The following EPN2 variants were observed in gnomAD, a reference collection of about 807,000 sequenced individuals.
The protein encoded by EPN2 is epsin 2.
A neutral mutation model predicts 61.7 loss-of-function variants in EPN2; 34 were observed. That is an observed-to-expected ratio of 0.55 (90% CI 0.42 to 0.73). The LOEUF (loss-of-function observed/expected upper bound fraction) is 0.73. EPN2 is among the 30% of genes least tolerant of loss of function. EPN2 has a pLI of 0.00. For missense variants in EPN2, 714 were observed against 839.2 expected (o/e 0.85, Z 1.84); for synonymous variants, 349 against 353.6 (o/e 0.99, Z 0.15).
At chr17:19,252,062 G>T (rs978851753) in intron 1 of EPN2, among the ~76,000 whole-genome samples, 1 of 152,114 alleles carries the variant, frequency 6.6e-6, no homozygotes, top group Non-Finnish European at 1.5e-5. Context: ...TCCACTTGTG[G>T]TATCATGTTG....
At chr17:19,277,661 C>G (rs1010276282) in intron 1 of EPN2, among the ~76,000 whole-genome samples, 2 of 152,210 alleles carry the variant, frequency 1.3e-5, no homozygotes, top group African/African-American at 4.8e-5. Flanking sequence ...TGCCCACTGG[C>G]ACTGCTGGAG....
At chr17:19,250,750 G>C (rs1021771777) in intron 1 of EPN2, among the ~76,000 whole-genome samples, 6 of 152,088 alleles carry the variant, frequency 3.9e-5, no homozygotes, top group Admixed American at 6.6e-5. Flanking sequence ...TGGGGACACA[G>C]GGGCTTACAC....
At chr17:19,301,167 C>G (rs374335922) in intron 4 of EPN2, among the ~76,000 whole-genome samples, 1 of 152,152 alleles carries the variant, frequency 6.6e-6, no homozygotes, top group South Asian at 2.1e-4. Context: ...TCACCCCAGT[C>G]TCTGCCTCCA....
At chr17:19,250,787 A>G (rs868318077) in intron 1 of EPN2, among the ~76,000 whole-genome samples, 1 of 152,002 alleles carries the variant, frequency 6.6e-6, no homozygotes, top group Non-Finnish European at 1.5e-5. Context: ...AGAATCCCCA[A>G]CGCAGGGTGG....
chr17:19,329,607 C>A lies in EPN2; in HGVS notation c.1371C>A (p.Asp457Glu). ...FSNLNGTIKD[D>E]FSEFDNLRTS... ...ATCTGAATGGTACAATTAAAGATGACTTTTCTGAATTTGACAACCTTCGGA... is the reference window on the plus strand; with the variant it reads ...ATCTGAATGGTACAATTAAAGATGAATTTTCTGAATTTGACAACCTTCGGA... Residue 457 changes from aspartate to glutamate, a missense_variant, in exon 9 of 11, where the codon GAC (aspartate) becomes GAA (glutamate). Physicochemically the swap from Asp to Glu is conservative, Grantham distance 45 (BLOSUM62 2). Transcript: ENST00000314728. The A allele has an allele frequency of 6.2e-7, 1 of 1,613,502 alleles. No homozygotes were observed. Among genetic ancestry groups the A allele is most frequent in the Non-Finnish European group, 8.5e-7 (1 of 1,179,482 alleles).
intron 1 of EPN2, among the ~76,000 whole-genome samples, chr17:19,246,828 G>T (rs1405141605): frequency 6.8e-6 from 1 of 147,498 alleles, no homozygotes; most frequent in East Asian, 2.0e-4. Context: ...GAGTGCAGTG[G>T]CGCGATCTCA....
chr17:19,289,724 G>GTTTTTTTTTTTTTTTTTTTTTTTTT lies in EPN2; in HGVS notation c.766+3954_766+3955insTTTTTTTTTTTTTTTTTTTTTTTTT, dbSNP rs58087532. The stretch of plus-strand genomic sequence containing the variant: ...TGTTCGGCCTCACCTGGCGCTCATG[G>GTTTTTTTTTTTTTTTTTTTTTTTTT]TTTTTTTTTTTTTTTTTTTTGAGAT... On this transcript the variant is annotated intron_variant, in intron 4 of 10. Transcript: ENST00000314728. 2.9e-4 allele frequency among the ~76,000 whole-genome samples: 23 copies of GTTTTTTTTTTTTTTTTTTTTTTTTT among 78,036 alleles called. 2 individuals are homozygous for GTTTTTTTTTTTTTTTTTTTTTTTTT. Among genetic ancestry groups the GTTTTTTTTTTTTTTTTTTTTTTTTT allele is most frequent in the Middle Eastern group, 0.017 (1 of 60 alleles). The allele number at this position is 78,036 out of a possible 152,430, so 51.2% of individuals were successfully genotyped here.
Position 19,308,609 on chromosome 17 carries a change from A to G in EPN2, c.767-1276A>G, listed in dbSNP as rs1905968803. ...AGCCGAGCTCTGACTACAAAAGAGGAGGTGGGTGCGCTGAGGGAACAGCCT... is the reference window on the plus strand; with the variant it reads ...AGCCGAGCTCTGACTACAAAAGAGGGGGTGGGTGCGCTGAGGGAACAGCCT... On this transcript the variant is annotated intron_variant, in intron 4 of 10. Transcript: ENST00000314728. 4.1e-6 allele frequency: 4 copies of G among 985,226 alleles called. No individual in the cohort carries two copies. The Admixed American group carries it at 2.5e-4, about 61-fold the overall frequency. The allele number at this position is 985,226 out of a possible 1,614,324, so 61.0% of individuals were successfully genotyped here.
rs80078595 is a variant in EPN2 at position 19,276,773 on chromosome 17, G to GTTTTTTTTTTTTTTT, written c.-293-5178_-293-5164dup. Reference sequence around the variant, plus strand: ...GTCAGTATGTAATTTATGAGAATAAGTTTTTTTTTTTTTTTTTTGCTGTAT... The same window carrying GTTTTTTTTTTTTTTT: ...GTCAGTATGTAATTTATGAGAATAAGTTTTTTTTTTTTTTTTTTTTTTTTTTTTTTTTTGCTGTAT... On this transcript the variant is annotated intron_variant, in intron 1 of 10. Transcript: ENST00000314728. Among the ~76,000 whole-genome samples the GTTTTTTTTTTTTTTT allele has an allele frequency of 3.3e-3, 390 of 119,166 alleles. 18 individuals are homozygous for GTTTTTTTTTTTTTTT. The highest frequency in any genetic ancestry group is 0.014 in the African/African-American group (328 of 24,004). The allele number at this position is 119,166 out of a possible 152,430, so 78.2% of individuals were successfully genotyped here. A position where few individuals can be genotyped will look rare whatever the true frequency, so the allele number is the denominator to read the frequency against.
intron 4 of EPN2, among the ~76,000 whole-genome samples, chr17:19,299,621 T>G (rs1297864150): frequency 6.6e-6 from 1 of 152,252 alleles, no homozygotes; most frequent in Non-Finnish European, 1.5e-5. Flanking sequence ...CCCAACAAGC[T>G]GGTGCTCTTA....
At chr17:19,241,886 GC>G (rs1462614282) in intron 1 of EPN2, among the ~76,000 whole-genome samples, 1 of 152,074 alleles carries the variant, frequency 6.6e-6, no homozygotes, top group African/African-American at 2.4e-5. Flanking sequence ...TAATTCCCAG[GC>G]CTGGGTCCCT....
At chr17:19,248,592 G>A (rs766183374) in intron 1 of EPN2, 2 of 152,190 alleles carry the variant, frequency 1.3e-5, no homozygotes, top group African/African-American at 2.4e-5. Flanking sequence ...TACAGTTAAT[G>A]CATGTCACAG....
At chr17:19,254,405 G>T (rs1173225039) in intron 1 of EPN2, among the ~76,000 whole-genome samples, 2 of 151,728 alleles carry the variant, frequency 1.3e-5, no homozygotes, top group Non-Finnish European at 2.9e-5. Context: ...GCCAGGCGTG[G>T]TGATGCATGC....
At chr17:19,262,125 T>C (rs192424244) in intron 1 of EPN2, among the ~76,000 whole-genome samples, 1 of 151,794 alleles carries the variant, frequency 6.6e-6, no homozygotes, top group Admixed American at 6.6e-5. Flanking sequence ...AGGCAGAGGT[T>C]GCAATGAGCT....
At chr17:19,293,648 C>G (rs951017008) in intron 4 of EPN2, among the ~76,000 whole-genome samples, 3 of 150,798 alleles carry the variant, frequency 2.0e-5, no homozygotes, top group African/African-American at 7.3e-5. Context: ...TGGCCTCGGC[C>G]TCTCAAAGTG....
chr17:19,255,135 C>A (rs1485802091), intron 1 of EPN2, among the ~76,000 whole-genome samples: 1 of 152,136 alleles, frequency 6.6e-6, no homozygotes, highest in Non-Finnish European at 1.5e-5. Flanking sequence ...GCCTGTGTCA[C>A]GTCTTTGGTG....
chr17:19,283,584 C>T lies in EPN2; in HGVS notation c.465C>T (p.Ala155=). Residue 155 remains alanine (A), a synonymous_variant, in exon 3 of 11, where the codon GCC becomes GCT. Transcript: ENST00000314728. This position sits in a 1 kb window ranked among gnomAD's most constrained non-coding sequence, Gnocchi z 7.0. ...AQALKTKERM[A]QVATGMGSNQ... is the part of the protein sequence containing the mutation. ...CTCTCAAAACCAAAGAGCGCATGGC[C>T]CAGGTTGCCACTGGCATGGGCAGCA... 3 of 1,614,168 alleles carry T rather than the reference C, an allele frequency of 1.9e-6. No homozygotes were observed. Among genetic ancestry groups the T allele is most frequent in the Non-Finnish European group, 2.5e-6 (3 of 1,180,028 alleles).
At chr17:19,241,507 A>G (rs1327687410) in intron 1 of EPN2, among the ~76,000 whole-genome samples, 1 of 150,114 alleles carries the variant, frequency 6.7e-6, no homozygotes, top group African/African-American at 2.5e-5. Flanking sequence ...AATCACTTGA[A>G]CCTGGGAGGC....
chr17:19,330,329 G>A (rs528408459), intron 9 of EPN2, among the ~76,000 whole-genome samples: 1 of 152,164 alleles, frequency 6.6e-6, no homozygotes, highest in Non-Finnish European at 1.5e-5. Context: ...CTTGGCTTCT[G>A]CTGCTTGCCT....
Sources: gnomAD v4.1 joint callset for allele counts (sites outside exome capture counted in the v4.1 genomes callset) on GRCh38, gnomAD v4.1.1 for gene constraint, Gnocchi (gnomAD v3.1) non-coding constraint, MANE v1.5 for transcripts, NCBI Gene and HGNC (gene_info 2026-07-23, HGNC 2026-07-21) for gene names.